INO80D: variants seen among roughly 807,000 people sequenced by gnomAD.
INO80D encodes the protein INO80 complex subunit D.
A neutral mutation model predicts 87.6 loss-of-function variants in INO80D; 21 were observed. The observed-to-expected ratio is 0.24, with a 90% CI of 0.17 to 0.35. The LOEUF (loss-of-function observed/expected upper bound fraction) is 0.35. INO80D is among the 10% of genes least tolerant of loss of function. The pLI is 1.00. For missense variants in INO80D, 982 were observed against 1,280.7 expected (o/e 0.77, Z 3.56); for synonymous variants, 440 against 491.0 (o/e 0.90, Z 1.37).
chr2:206,048,832 T>C (rs1269630024), intron 4 of INO80D, among the ~76,000 whole-genome samples: 2 of 152,074 alleles, frequency 1.3e-5, no homozygotes, highest in Non-Finnish European at 2.9e-5. Context: ...GCCCAGGAGG[T>C]TGAGGCTGCA....
chr2:206,051,305 C>T (rs993941597), intron 4 of INO80D, among the ~76,000 whole-genome samples: 1 of 151,734 alleles, frequency 6.6e-6, no homozygotes, highest in African/African-American at 2.4e-5. Context: ...CAGTCATAAG[C>T]TCTTGGACTT....
chr2:206,045,463 G>T (rs1689169663), intron 5 of INO80D, among the ~76,000 whole-genome samples: 1 of 152,090 alleles, frequency 6.6e-6, no homozygotes, highest in African/African-American at 2.4e-5. Flanking sequence ...TCATCTTTTG[G>T]TAGACAAGGA....
intron 5 of INO80D, among the ~76,000 whole-genome samples, chr2:206,028,706 CAT>C (rs1231070081): frequency 6.6e-6 from 1 of 152,078 alleles, no homozygotes. Context: ...TGAGGAAACA[CAT>C]AGCATAATTT....
chr2:206,073,670 C>T (rs1179125244), intron 1 of INO80D, among the ~76,000 whole-genome samples: 1 of 151,986 alleles, frequency 6.6e-6, no homozygotes. Context: ...CATGCCACCA[C>T]GCCCAGCTAA....
chr2:206,005,287 A>C lies in INO80D; in HGVS notation c.2165T>G (p.Val722Gly), dbSNP rs1319491607. 4.3e-6 allele frequency: 7 copies of C among 1,613,978 alleles called. No individual in the cohort carries two copies. Among genetic ancestry groups the C allele is most frequent in the Non-Finnish European group, 5.1e-6 (6 of 1,179,880 alleles). Residue 722 changes from valine to glycine, a missense_variant, in exon 11 of 11, where the codon GTA becomes GGA. By Grantham distance (109) the Val-to-Gly change is moderately radical. Coordinates refer to ENST00000403263, the MANE Select transcript of INO80D (RefSeq NM_017759.5). The part of the protein sequence containing the change: ...DLGELLNGRI[V>G]HDNFSSLELD... ...CTCTAGACTAGAAAAATTATCATGT[A>C]CTATACGCCCATTCAATAGCTCCCC...
At position 206,001,705 on chromosome 2, in the gene INO80D, A is replaced by G. The variant is rs1687910330; in HGVS notation, c.*2663T>C. 1 of 152,230 alleles carries G rather than the reference A, an allele frequency of 6.6e-6. No individual in the cohort carries two copies. Among genetic ancestry groups the G allele is most frequent in the Non-Finnish European group, 1.5e-5 (1 of 68,036 alleles). 9.4% of individuals were successfully genotyped at this position (152,230 alleles called of 1,614,324 possible). On this transcript the variant is annotated 3_prime_UTR_variant, in exon 11 of 11. Transcript: ENST00000403263. ...TCTCTTCCAAAAAGGGACTCATAAG[A>G]AACAGCAAGAGCAAAGCAAATTGCA...
Position 205,998,070 on chromosome 2 carries a change from T to C in INO80D, c.*6298A>G, listed in dbSNP as rs544648818. 19 of 152,162 alleles carry C rather than the reference T, an allele frequency of 1.2e-4. No homozygotes were observed. Among genetic ancestry groups the C allele is most frequent in the Non-Finnish European group, 2.4e-4 (16 of 68,008 alleles). The allele number at this position is 152,162 out of a possible 1,614,324, so 9.4% of individuals were successfully genotyped here. On this transcript the variant is annotated 3_prime_UTR_variant, in exon 11 of 11. Coordinates refer to ENST00000403263, the MANE Select transcript of INO80D (RefSeq NM_017759.5). ...AATAAGACACTGAGAACATCTAGAT[T>C]TATTATTTTCTCTATTTTACTTCCC...
chr2:206,011,065 C>T (rs1228795795), intron 8 of INO80D, among the ~76,000 whole-genome samples: 1 of 136,150 alleles, frequency 7.3e-6, no homozygotes, highest in Non-Finnish European at 1.6e-5. Context: ...GCAACAAAAG[C>T]GAAACTCAGT....
At chr2:206,058,236 G>A (rs184513570) in intron 3 of INO80D, among the ~76,000 whole-genome samples, 59 of 151,616 alleles carry the variant, frequency 3.9e-4, no homozygotes, top group African/African-American at 1.4e-3. Context: ...TGGCTAATCC[G>A]GTGAAACCCC....
chr2:206,078,017 C>T (rs956382062), intron 1 of INO80D, among the ~76,000 whole-genome samples: 3 of 121,432 alleles, frequency 2.5e-5, no homozygotes, highest in Non-Finnish European at 3.2e-5. Context: ...CATTCTTTGG[C>T]ATACTTTGCT....
chr2:206,077,024 A>C (rs1690134833), intron 1 of INO80D, among the ~76,000 whole-genome samples: 1 of 152,242 alleles, frequency 6.6e-6, no homozygotes, highest in African/African-American at 2.4e-5. Flanking sequence ...CTGTAATCCC[A>C]GCACTTTGGG....
chr2:206,055,966 C>A (rs991680755), intron 4 of INO80D, among the ~76,000 whole-genome samples: 4 of 152,124 alleles, frequency 2.6e-5, no homozygotes, highest in Admixed American at 2.0e-4. Context: ...TGAGTATCCT[C>A]AAATTTTAGT....
In INO80D at chr2:206,062,066, A is replaced by C. The variant is rs1394754735; in HGVS notation, c.218+733T>G. ...ATGAAAGATGAATAACCAGTATAAG[A>C]CTCCTTTAAAAACAATTCCACTCTT... On this transcript the variant is annotated intron_variant, in intron 3 of 10. Transcript: ENST00000403263. The surrounding 1 kb of genome is among the most constrained non-coding windows in gnomAD (Gnocchi z 4.6). Among the ~76,000 whole-genome samples the C allele has an allele frequency of 2.6e-5, 4 of 152,096 alleles. No individual in the cohort carries two copies. Among genetic ancestry groups the C allele is most frequent in the Non-Finnish European group, 4.4e-5 (3 of 68,004 alleles).
intron 5 of INO80D, among the ~76,000 whole-genome samples, chr2:206,033,237 G>T (rs1688813722): frequency 6.6e-6 from 1 of 151,952 alleles, no homozygotes; most frequent in Admixed American, 6.6e-5. Flanking sequence ...AGACAAAGAG[G>T]GATATTATAT....
At position 206,055,988 on chromosome 2, in the gene INO80D, G is replaced by T. The variant is rs568112021; in HGVS notation, c.964+210C>A. 2.0e-5 allele frequency among the ~76,000 whole-genome samples: 3 copies of T among 152,288 alleles called. No individual in the cohort carries two copies. In the South Asian group the frequency reaches 6.2e-4, roughly 32 times the overall value. On this transcript the variant is annotated intron_variant, in intron 4 of 10. Transcript: ENST00000403263. Reference sequence around the variant, plus strand: ...CCTCAAATTTTAGTGCCTGAGGGAAGACCTGGAACCAATCCACCACACATG... The same window carrying T: ...CCTCAAATTTTAGTGCCTGAGGGAATACCTGGAACCAATCCACCACACATG...
chr2:206,079,219 T>C (rs368985055), intron 1 of INO80D, among the ~76,000 whole-genome samples: 3 of 152,078 alleles, frequency 2.0e-5, no homozygotes, highest in East Asian at 3.9e-4. Flanking sequence ...ACTACAAAAA[T>C]GCACTACCAC....
At position 206,004,995 on chromosome 2, in the gene INO80D, A is replaced by G; in HGVS notation, c.2457T>C (p.Asp819=). The G allele has an allele frequency of 1.2e-6, 2 of 1,613,960 alleles. No homozygotes were observed. Among genetic ancestry groups the G allele is most frequent in the Non-Finnish European group, 1.7e-6 (2 of 1,179,888 alleles). Residue 819 remains aspartate (D), a synonymous_variant, in exon 11 of 11, where the codon GAT becomes GAC. Transcript: ENST00000403263. This position sits in a 1 kb window ranked among gnomAD's most constrained non-coding sequence, Gnocchi z 4.9. ...LITSRQQYSS[D]HSHSSPHGSH... ...TTCCATGGGGTGAGGAGTGTGAGTG[A>G]TCACTGCTGTATTGCTGTCGTGAGG...
intron 6 of INO80D, among the ~76,000 whole-genome samples, chr2:206,027,099 G>A (rs2105831622): frequency 6.6e-6 from 1 of 152,256 alleles, no homozygotes; most frequent in Admixed American, 6.5e-5. Flanking sequence ...TTTCAATTTT[G>A]CTTTTTAATA....
rs1689089835 is a variant in INO80D, at chr2:206,042,835, G to A, written c.1073+3669C>T. The stretch of plus-strand genomic sequence containing the variant: ...GCCTATCTCTACAAAAATTTAAAAT[G>A]GTGGCCTGCACCTGTTGTCCCAGCT... On this transcript the variant is annotated intron_variant, in intron 5 of 10. Transcript: ENST00000403263. Among the ~76,000 whole-genome samples, 3 of 151,888 alleles carry A rather than the reference G, an allele frequency of 2.0e-5. No individual in the cohort carries two copies. The South Asian group carries it at 6.2e-4, about 31-fold the overall frequency.
Sources: gnomAD v4.1 joint callset for allele counts (sites outside exome capture counted in the v4.1 genomes callset) on GRCh38, gnomAD v4.1.1 for gene constraint, Gnocchi (gnomAD v3.1) non-coding constraint, MANE v1.5 for transcripts, NCBI Gene and HGNC (gene_info 2026-07-23, HGNC 2026-07-21) for gene names.